The following ALOX5 variants were observed in gnomAD, a reference collection of about 807,000 sequenced individuals.
ALOX5 encodes the protein polyunsaturated fatty acid 5-lipoxygenase.
In ALOX5, 64 loss-of-function variants were observed where a neutral mutation model predicts 87.9. That is an observed-to-expected ratio of 0.73 (90% CI 0.60 to 0.90). The LOEUF is 0.90. ALOX5 is among the 40% of genes least tolerant of loss of function. ALOX5 has a pLI of 0.00. For missense variants in ALOX5, 822 were observed against 907.5 expected (o/e 0.91, Z 1.21); for synonymous variants, 388 against 355.1 (o/e 1.09, Z -1.04).
chr10:45,441,354 C>G lies in ALOX5; in HGVS notation c.1196C>G (p.Ala399Gly). The change falls in exon 9 of 14, where the codon GCA (alanine) becomes GGA (glycine). Residue 399 changes from alanine to glycine, a missense_variant. Coordinates refer to ENST00000374391, the MANE Select transcript of ALOX5 (RefSeq NM_000698.5). ...CTCTCCCCTCCCCAGCTGCTGGTGG[C>G]ACACGTGAGATTCACCATTGCAATC... Reference protein sequence around the residue: ...AVHPIFKLLVAHVRFTIAINT... With the variant: ...AVHPIFKLLVGHVRFTIAINT... The G allele has an allele frequency of 6.2e-7, 1 of 1,613,580 alleles. No individual in the cohort carries two copies. Among genetic ancestry groups the G allele is most frequent in the Non-Finnish European group, 8.5e-7 (1 of 1,179,640 alleles).
At position 45,443,460 on chromosome 10, in the gene ALOX5, T is replaced by C. The variant is rs1406173964; in HGVS notation, c.1496T>C (p.Val499Ala). The C allele has an allele frequency of 1.9e-6, 3 of 1,612,386 alleles. No individual in the cohort carries two copies. The highest frequency in any genetic ancestry group is 2.5e-6 in the Non-Finnish European group (3 of 1,179,314). The change falls in exon 11 of 14, where the codon GTG becomes GCG. Residue 499 changes from valine (V) to alanine (A), a missense_variant. Transcript: ENST00000374391. ...GACATCTACTACGAGGGCGACCAGG[T>C]GGTGGAGGAGGACCCGGAGCTGCAG... ...VVDIYYEGDQVVEEDPELQDF... is the reference protein window; with the variant it reads ...VVDIYYEGDQAVEEDPELQDF...
At chr10:45,438,471 C>T (rs972336299) in intron 7 of ALOX5, among the ~76,000 whole-genome samples, 1 of 152,064 alleles carries the variant, frequency 6.6e-6, no homozygotes, top group Non-Finnish European at 1.5e-5. Flanking sequence ...GGGGGCTCCT[C>T]GGCCCCAGAG....
intron 7 of ALOX5, among the ~76,000 whole-genome samples, chr10:45,434,417 G>T (rs762564644): frequency 6.6e-5 from 10 of 152,188 alleles, no homozygotes; most frequent in Non-Finnish European, 1.0e-4. Flanking sequence ...GAAAAAAATT[G>T]AAAACAGTCT....
chr10:45,387,319 T>C (rs913327512), intron 2 of ALOX5, among the ~76,000 whole-genome samples: 4 of 152,172 alleles, frequency 2.6e-5, no homozygotes, highest in Admixed American at 2.0e-4. Flanking sequence ...TCGTCACACA[T>C]TTCTCCATGA....
intron 13 of ALOX5, chr10:45,444,600 G>C: frequency 2.7e-6 from 1 of 372,496 alleles, no homozygotes; most frequent in Non-Finnish European, 4.8e-6. Flanking sequence ...TGGTACTCCA[G>C]AGGGAATGAC....
chr10:45,428,170 C>G (rs1841796420), intron 6 of ALOX5, among the ~76,000 whole-genome samples: 1 of 151,210 alleles, frequency 6.6e-6, no homozygotes, highest in African/African-American at 2.4e-5. Context: ...AGCCCCGCCT[C>G]GCTTCCTGTC....
At chr10:45,434,685 C>T (rs1030960546) in intron 7 of ALOX5, among the ~76,000 whole-genome samples, 68 of 152,356 alleles carry the variant, frequency 4.5e-4, no homozygotes, top group African/African-American at 1.2e-3. Flanking sequence ...AGCAGGCCTA[C>T]TGTGCCAGCA....
chr10:45,376,185 C>T (rs1376734066), intron 1 of ALOX5, among the ~76,000 whole-genome samples: 4 of 148,924 alleles, frequency 2.7e-5, no homozygotes, highest in Non-Finnish European at 4.5e-5. Flanking sequence ...CACTATCTCC[C>T]TCTCTCGGTC....
chr10:45,374,490 A>G, intron 1 of ALOX5, 61 bp downstream of exon 1: 1 of 1,401,278 alleles, frequency 7.1e-7, no homozygotes, highest in Non-Finnish European at 9.3e-7. Flanking sequence ...CCCGGTTTGG[A>G]CGGCAGAGGC....
At chr10:45,418,492 TC>T (rs1841380425) in intron 4 of ALOX5, among the ~76,000 whole-genome samples, 1 of 152,162 alleles carries the variant, frequency 6.6e-6, no homozygotes, top group African/African-American at 2.4e-5. Flanking sequence ...GGACCGCGTC[TC>T]CACCATCACA....
intron 3 of ALOX5, among the ~76,000 whole-genome samples, chr10:45,397,026 C>T (rs764957069): frequency 3.3e-5 from 5 of 152,204 alleles, no homozygotes; most frequent in Non-Finnish European, 5.9e-5. Context: ...AACACCCATT[C>T]ATGATAAAAC....
intron 3 of ALOX5, among the ~76,000 whole-genome samples, chr10:45,407,404 C>CTTT (rs1840923839): frequency 7.4e-5 from 11 of 149,430 alleles, no homozygotes; most frequent in South Asian, 2.1e-4. Context: ...TTTTTTTTTC[C>CTTT]CCCCCACCTA....
chr10:45,388,154 G>A (rs760051375), intron 2 of ALOX5, among the ~76,000 whole-genome samples: 2 of 152,198 alleles, frequency 1.3e-5, no homozygotes, highest in Non-Finnish European at 2.9e-5. Context: ...TGTCTGGCTC[G>A]GAGGGTCCCA....
At chr10:45,392,118 G>A (rs1434617658) in intron 2 of ALOX5, among the ~76,000 whole-genome samples, 17 of 151,628 alleles carry the variant, frequency 1.1e-4, no homozygotes, top group South Asian at 2.1e-4. Flanking sequence ...CAGCTGCCCC[G>A]TCCGGGAGGT....
intron 4 of ALOX5, among the ~76,000 whole-genome samples, chr10:45,419,186 G>A (rs950009862): frequency 1.3e-5 from 2 of 152,252 alleles, no homozygotes; most frequent in African/African-American, 4.8e-5. Context: ...CCGCGCGGAG[G>A]CTGCCCTGGC....
intron 9 of ALOX5, among the ~76,000 whole-genome samples, chr10:45,442,306 A>T (rs1163154517): frequency 1.3e-5 from 2 of 152,112 alleles, no homozygotes; most frequent in Non-Finnish European, 2.9e-5. Flanking sequence ...TCAGGTTCTC[A>T]TGTGGCCATT....
chr10:45,383,568 T>C (rs1185859089), intron 2 of ALOX5, among the ~76,000 whole-genome samples: 1 of 152,238 alleles, frequency 6.6e-6, no homozygotes, highest in Non-Finnish European at 1.5e-5. Flanking sequence ...CTCTTTCTCT[T>C]TGCCAAGTTT....
At chr10:45,382,349 GT>G (rs1430321240) in intron 1 of ALOX5, 133 bp from the exon 2 acceptor site, 7 of 901,034 alleles carry the variant, frequency 7.8e-6, no homozygotes, top group African/African-American at 5.0e-5. Flanking sequence ...TGCACCTGCT[GT>G]TTTTTTAAGT....
chr10:45,422,375 C>T (rs567202807), intron 4 of ALOX5, among the ~76,000 whole-genome samples: 9 of 152,288 alleles, frequency 5.9e-5, no homozygotes, highest in African/African-American at 1.7e-4. Flanking sequence ...ACAGCTCAGA[C>T]CCAGCCATGC....
Sources: allele counts gnomAD v4.1 joint callset (sites outside exome capture counted in the v4.1 genomes callset), GRCh38; gene constraint gnomAD v4.1.1; transcripts MANE v1.5; gene names NCBI Gene and HGNC (gene_info 2026-07-23, HGNC 2026-07-21).